ZNF385B: variants seen among roughly 807,000 people sequenced by gnomAD.
The protein encoded by ZNF385B is zinc finger protein 385B.
In ZNF385B, 23 loss-of-function variants were observed where a neutral mutation model predicts 39.2. The observed-to-expected ratio is 0.59, with a 90% CI of 0.42 to 0.83. The LOEUF (loss-of-function observed/expected upper bound fraction) is 0.83. ZNF385B is among the 40% of genes least tolerant of loss of function. The probability of loss-of-function intolerance (pLI) is 0.00; values close to 1 mark genes in which losing one functional copy is unlikely to be tolerated. For synonymous variants in ZNF385B, 205 were observed against 222.6 expected (o/e 0.92, Z 0.70); for missense variants, 552 against 598.9 (o/e 0.92, Z 0.82).
chr2:179,491,176 A>G (rs1205861508), intron 5 of ZNF385B, among the ~76,000 whole-genome samples: 1 of 152,196 alleles, frequency 6.6e-6, no homozygotes, highest in Non-Finnish European at 1.5e-5. Flanking sequence ...ATTTAATGTC[A>G]CAATTTAACA....
chr2:179,723,313 T>C (rs1256602517), intron 3 of ZNF385B, among the ~76,000 whole-genome samples: 1 of 152,200 alleles, frequency 6.6e-6, no homozygotes, highest in African/African-American at 2.4e-5. Flanking sequence ...AGTATAATTA[T>C]ATAACTCAGA....
chr2:179,753,409 T>C (rs1009898212), intron 3 of ZNF385B, among the ~76,000 whole-genome samples: 1 of 152,224 alleles, frequency 6.6e-6, no homozygotes, highest in Non-Finnish European at 1.5e-5. Flanking sequence ...TAGGATTGTC[T>C]TGGCAATGTG....
intron 1 of ZNF385B, among the ~76,000 whole-genome samples, chr2:179,850,385 A>C (rs1709018962): frequency 6.6e-6 from 1 of 152,182 alleles, no homozygotes; most frequent in Admixed American, 6.5e-5. Flanking sequence ...TGAAACTTCA[A>C]GGCAGCCATA....
intron 1 of ZNF385B, chr2:179,814,580 G>T: frequency 2.7e-6 from 2 of 735,872 alleles, no homozygotes; most frequent in Non-Finnish European, 2.3e-6. Flanking sequence ...ACAAGCAGGA[G>T]ATGGTCGACA....
intron 1 of ZNF385B, among the ~76,000 whole-genome samples, chr2:179,857,030 T>C (rs1165945719): frequency 6.6e-6 from 1 of 152,152 alleles, no homozygotes; most frequent in Non-Finnish European, 1.5e-5. Flanking sequence ...TGGGAGCTTG[T>C]GAGAAAGGCA....
rs530210609 is a variant in ZNF385B, at chr2:179,658,815, T to A, written c.298+110688A>T. On this transcript the variant is annotated intron_variant, in intron 3 of 9. Transcript: ENST00000410066. ...TTTTTTTGAGATGGGGTTTCACTCG[T>A]TTCCCAGGCTGGAGTGCAGTGGCGC... 1.5e-4 allele frequency among the ~76,000 whole-genome samples: 23 copies of A among 152,334 alleles called. No individual in the cohort carries two copies. The South Asian group carries it at 4.8e-3, about 32-fold the overall frequency.
intron 1 of ZNF385B, among the ~76,000 whole-genome samples, chr2:179,783,275 C>T (rs999612148): frequency 1.3e-5 from 2 of 152,104 alleles, no homozygotes; most frequent in African/African-American, 4.8e-5. Flanking sequence ...AACTTGCTAG[C>T]CATATGTAGA....
At chr2:179,529,845 C>A (rs1261802861) in intron 4 of ZNF385B, among the ~76,000 whole-genome samples, 17 of 152,038 alleles carry the variant, frequency 1.1e-4, no homozygotes, top group Non-Finnish European at 2.5e-4. Context: ...ATGAACAAAA[C>A]TGGTTATAGT....
chr2:179,739,189 T>G (rs1225036859), intron 3 of ZNF385B, among the ~76,000 whole-genome samples: 4 of 152,228 alleles, frequency 2.6e-5, no homozygotes, highest in Non-Finnish European at 4.4e-5. Context: ...TTGCATATGG[T>G]TAGCTTGAAA....
At chr2:179,856,941 A>G (rs1684651910) in intron 1 of ZNF385B, among the ~76,000 whole-genome samples, 1 of 152,180 alleles carries the variant, frequency 6.6e-6, no homozygotes, top group African/African-American at 2.4e-5. Context: ...CTGCTAGAAA[A>G]TCCCAAGTCT....
chr2:179,799,475 T>C (rs538127205), intron 1 of ZNF385B, among the ~76,000 whole-genome samples: 1 of 152,212 alleles, frequency 6.6e-6, no homozygotes, highest in South Asian at 2.1e-4. Context: ...AATGTTGAAA[T>C]ATTGGTATGT....
chr2:179,711,458 G>A lies in ZNF385B; in HGVS notation c.298+58045C>T, dbSNP rs567846325. 7.2e-4 allele frequency among the ~76,000 whole-genome samples: 110 copies of A among 152,292 alleles called. 1 individual carries two copies. The highest frequency in any genetic ancestry group is 2.6e-3 in the African/African-American group (106 of 41,554). ...CATGAAAAGAATGTGAGGTCCATTCGAGGGTATGCTGGGGTGGAATGTACG... is the reference window on the plus strand; with the variant it reads ...CATGAAAAGAATGTGAGGTCCATTCAAGGGTATGCTGGGGTGGAATGTACG... On this transcript the variant is annotated intron_variant, in intron 3 of 9. Transcript: ENST00000410066.
intron 4 of ZNF385B, among the ~76,000 whole-genome samples, chr2:179,525,303 G>A (rs2058820691): frequency 6.6e-6 from 1 of 152,180 alleles, no homozygotes; most frequent in Non-Finnish European, 1.5e-5. Context: ...CTGGAAAAGC[G>A]AGTCTAGGTT....
intron 2 of ZNF385B, among the ~76,000 whole-genome samples, 182 bp downstream of exon 2, chr2:179,770,339 A>T (rs773370401): frequency 4.0e-4 from 61 of 152,334 alleles, no homozygotes; most frequent in Admixed American, 1.2e-3. Context: ...GTTACATAAT[A>T]GGCATTCAAA....
chr2:179,483,225 G>A, intron 6 of ZNF385B, 47 bp downstream of exon 6: 1 of 1,605,904 alleles, frequency 6.2e-7, no homozygotes, highest in Non-Finnish European at 8.5e-7. Flanking sequence ...CAGGGCAGGG[G>A]AACAGGAGAA....
At chr2:179,828,023 T>A (rs1707775736) in intron 1 of ZNF385B, among the ~76,000 whole-genome samples, 1 of 152,218 alleles carries the variant, frequency 6.6e-6, no homozygotes, top group Non-Finnish European at 1.5e-5. Flanking sequence ...AATTATTTGT[T>A]TTCATTTATG....
At chr2:179,646,567 A>G (rs1290257918) in intron 3 of ZNF385B, among the ~76,000 whole-genome samples, 2 of 152,208 alleles carry the variant, frequency 1.3e-5, no homozygotes, top group African/African-American at 4.8e-5. Flanking sequence ...TGACAGCCTG[A>G]GCCCTCAGCC....
chr2:179,465,219 CT>C (rs1015344061), intron 6 of ZNF385B, among the ~76,000 whole-genome samples: 2 of 152,132 alleles, frequency 1.3e-5, no homozygotes, highest in Non-Finnish European at 2.9e-5. Context: ...TTCTAGACCC[CT>C]TCACCATCTC....
At chr2:179,857,710 T>C (rs1374571594) in intron 1 of ZNF385B, among the ~76,000 whole-genome samples, 3 of 152,146 alleles carry the variant, frequency 2.0e-5, no homozygotes. Flanking sequence ...TCCAACCATT[T>C]AAGATTATAT....
Sources: allele counts gnomAD v4.1 joint callset (sites outside exome capture counted in the v4.1 genomes callset), GRCh38; gene constraint gnomAD v4.1.1; transcripts MANE v1.5; gene names NCBI Gene and HGNC (gene_info 2026-07-23, HGNC 2026-07-21).